DAAM2: variants seen among roughly 807,000 people sequenced by gnomAD.
The protein encoded by DAAM2 is disheveled-associated activator of morphogenesis 2.
DAAM2 carries 39 observed loss-of-function variants against 120.7 expected under a neutral mutation model. The observed-to-expected ratio is 0.32, with a 90% confidence interval of 0.25 to 0.42. The LOEUF is 0.42. Ranked by LOEUF, DAAM2 falls within the 10% of genes least tolerant of loss-of-function variation. The probability of loss-of-function intolerance (pLI) is 1.00; values close to 1 mark genes in which losing one functional copy is unlikely to be tolerated. For missense variants in DAAM2, 1,283 were observed against 1,401.7 expected, an observed-to-expected ratio of 0.92 and a Z score of 1.35; for synonymous variants, 488 against 524.9, an observed-to-expected ratio of 0.93 and a Z score of 0.96.
rs774613617 is a variant in DAAM2 at position 39,870,435 on chromosome 6, C to A, written c.969C>A (p.Ile323=). 2.8e-5 allele frequency: 44 copies of A among 1,569,838 alleles called. No homozygotes were observed. The highest frequency in any genetic ancestry group is 3.7e-5 in the Non-Finnish European group (43 of 1,154,622). Residue 323 remains isoleucine (I), a synonymous_variant, in exon 8 of 25, where the codon ATC becomes ATA. Coordinates refer to ENST00000274867, the MANE Select transcript of DAAM2 (RefSeq NM_001201427.2). ...AGCTCCGGCAACATGAAAATGCCAT[C>A]CTGGACAAGTAAGTTCCAAGCACCC... ...IDKLRQHENA[I]LDKHLDFFEM...
In DAAM2 at chr6:39,901,215, G is replaced by C; in HGVS notation, c.2812-87G>C. The C allele has an allele frequency of 7.7e-7, 1 of 1,301,308 alleles. No homozygotes were observed. The highest frequency in any genetic ancestry group is 1.1e-6 in the Non-Finnish European group (1 of 923,214). 80.6% of individuals were successfully genotyped at this position (1,301,308 alleles called of 1,614,324 possible). A position where few individuals can be genotyped will look rare whatever the true frequency, so the allele number is the denominator to read the frequency against. On this transcript the variant is annotated intron_variant, in intron 23 of 24. Coordinates refer to ENST00000274867, the MANE Select transcript of DAAM2 (RefSeq NM_001201427.2). The surrounding 1 kb of genome is among the most constrained non-coding windows in gnomAD (Gnocchi z 4.5). ...AGTCCCCAGCCTTGCGCTGGGCTCT[G>C]CTCTGGCTAGAACCCAGCTAACCTC...
intron 15 of DAAM2, 194 bp from the exon 16 acceptor site, chr6:39,887,292 C>T: frequency 1.9e-6 from 1 of 536,774 alleles, no homozygotes; most frequent in Non-Finnish European, 3.3e-6. Flanking sequence ...CCCATTGGAG[C>T]CTATGGAAAA....
chr6:39,830,190 A>C (rs1262074879), intron 1 of DAAM2, among the ~76,000 whole-genome samples: 4 of 152,334 alleles, frequency 2.6e-5, no homozygotes, highest in Middle Eastern at 3.4e-3. Flanking sequence ...CCATGGGGCA[A>C]TGCTGGACTG....
At chr6:39,870,014 A>T (rs187866963) in intron 7 of DAAM2, among the ~76,000 whole-genome samples, 1 of 152,048 alleles carries the variant, frequency 6.6e-6, no homozygotes, top group Non-Finnish European at 1.5e-5. Context: ...AGGTCACAAA[A>T]CCAGATCCAA....
At chr6:39,881,843 AT>A (rs1765134068) in intron 14 of DAAM2, 1 of 152,138 alleles carries the variant, frequency 6.6e-6, no homozygotes, top group Non-Finnish European at 1.5e-5. Context: ...CCTACCATGT[AT>A]GTTTGAAGTA....
chr6:39,868,464 A>C, intron 6 of DAAM2: 1 of 250,492 alleles, frequency 4.0e-6, no homozygotes, highest in Non-Finnish European at 7.8e-6. Flanking sequence ...AGAAGACGGA[A>C]AAGGGATAAA....
intron 8 of DAAM2, among the ~76,000 whole-genome samples, chr6:39,870,685 TC>T (rs1423365928): frequency 3.3e-5 from 5 of 152,164 alleles, no homozygotes; most frequent in African/African-American, 1.2e-4. Flanking sequence ...TTGCAGTACT[TC>T]CCCCTGGGGG....
chr6:39,861,920 T>G (rs1764227242), intron 3 of DAAM2: 1 of 152,448 alleles, frequency 6.6e-6, no homozygotes, highest in Non-Finnish European at 1.5e-5. Flanking sequence ...ATGTATCCTT[T>G]GTGCTCCTGT....
chr6:39,859,820 T>C (rs919727210), intron 2 of DAAM2, among the ~76,000 whole-genome samples: 3 of 152,204 alleles, frequency 2.0e-5, no homozygotes, highest in Non-Finnish European at 4.4e-5. Context: ...GCAGTTCTGA[T>C]CTAGGTGAGA....
At chr6:39,843,650 A>G (rs1763441840) in intron 1 of DAAM2, among the ~76,000 whole-genome samples, 1 of 152,238 alleles carries the variant, frequency 6.6e-6, no homozygotes, top group Admixed American at 6.5e-5. Context: ...CTTTAAACCA[A>G]GCGCAGGGCC....
At chr6:39,816,266 T>G (rs1762306483) in intron 1 of DAAM2, among the ~76,000 whole-genome samples, 1 of 152,206 alleles carries the variant, frequency 6.6e-6, no homozygotes, top group Non-Finnish European at 1.5e-5. Flanking sequence ...ACAGTTTGAC[T>G]GCAATGTATT....
At chr6:39,851,794 C>G (rs1191853070) in intron 1 of DAAM2, among the ~76,000 whole-genome samples, 1 of 152,118 alleles carries the variant, frequency 6.6e-6, no homozygotes, top group Non-Finnish European at 1.5e-5. Context: ...CTGGGAAAGT[C>G]CTTGGAGGTC....
chr6:39,879,306 AC>A lies in DAAM2; in HGVS notation c.1678del (p.Leu560PhefsTer46). 1 of 776,536 alleles carries A rather than the reference AC, an allele frequency of 1.3e-6. No homozygotes were observed. Among genetic ancestry groups the A allele is most frequent in the Non-Finnish European group, 1.7e-6 (1 of 601,220 alleles). 48.1% of individuals were successfully genotyped at this position (776,536 alleles called of 1,614,324 possible). A position where few individuals can be genotyped will look rare whatever the true frequency, so the allele number is the denominator to read the frequency against. ...FACCPPPPPP[P>X]LPPGGPPTPP... The stretch of plus-strand genomic sequence containing the variant: ...CCTGTTGTCCCCCTCCCCCACCACC[AC>A]CCCTTCCTCCCGGGGGACCCCCGAC... On this transcript the variant is annotated frameshift_variant, in exon 14 of 25. Transcript: ENST00000274867. LOFTEE classifies it high-confidence loss of function.
rs766554509 is a variant in DAAM2, at chr6:39,879,323, G to A, written c.1691G>A (p.Gly564Glu). ...PPPPPPLPPG[G>E]PPTPPGAPPC... ...CCACCACCACCCCTTCCTCCCGGGG[G>A]ACCCCCGACTCCCCCAGGTGCCCCA... Residue 564 changes from glycine (G) to glutamate (E), a missense_variant, in exon 14 of 25, where the codon GGA becomes GAA. Coordinates refer to ENST00000274867, the MANE Select transcript of DAAM2 (RefSeq NM_001201427.2). 6 of 1,594,474 alleles carry A rather than the reference G, an allele frequency of 3.8e-6. No individual in the cohort carries two copies. Among genetic ancestry groups the A allele is most frequent in the South Asian group, 3.4e-5 (3 of 89,286 alleles).
chr6:39,881,075 C>T (rs904357755), intron 14 of DAAM2, among the ~76,000 whole-genome samples: 7 of 152,304 alleles, frequency 4.6e-5, no homozygotes, highest in Non-Finnish European at 1.0e-4. Context: ...AAAAGTTATG[C>T]ACATCAATAA....
At chr6:39,894,139 T>G (rs1352551722) in intron 19 of DAAM2, among the ~76,000 whole-genome samples, 1 of 152,222 alleles carries the variant, frequency 6.6e-6, no homozygotes, top group African/African-American at 2.4e-5. Flanking sequence ...AATATTCTTA[T>G]GAATATATTC....
intron 1 of DAAM2, among the ~76,000 whole-genome samples, chr6:39,839,650 T>C (rs1384873646): frequency 6.6e-6 from 1 of 152,114 alleles, no homozygotes; most frequent in African/African-American, 2.4e-5. Flanking sequence ...GGACAATGCC[T>C]GAGAGAAATG....
chr6:39,875,571 A>G (rs556840833), intron 11 of DAAM2, 103 bp downstream of exon 11: 41 of 1,387,212 alleles, frequency 3.0e-5, no homozygotes, highest in Admixed American at 1.5e-4. Context: ...CAACCCAGTC[A>G]TCCCGAAATG....
At chr6:39,864,886 C>T in intron 4 of DAAM2, 94 bp from the exon 5 acceptor site, 2 of 1,476,548 alleles carry the variant, frequency 1.4e-6, no homozygotes, top group Non-Finnish European at 1.8e-6. Context: ...GAGGCCTCAC[C>T]CTTTCTGAGG....
Sources: allele counts gnomAD v4.1 joint callset (sites outside exome capture counted in the v4.1 genomes callset), GRCh38; gene constraint gnomAD v4.1.1; non-coding constraint Gnocchi (gnomAD v3.1); transcripts MANE v1.5; gene names NCBI Gene and HGNC (gene_info 2026-07-23, HGNC 2026-07-21).